TMTC1: variants seen among roughly 807,000 people sequenced by gnomAD.
The protein encoded by TMTC1 is transmembrane O-mannosyltransferase targeting cadherins 1, also known as protein O-mannosyl-transferase TMTC1.
A neutral mutation model predicts 104.8 loss-of-function variants in TMTC1; 73 were observed. The ratio of observed to expected loss-of-function variants is 0.70; its 90% CI spans 0.58 to 0.85. The LOEUF (loss-of-function observed/expected upper bound fraction) is 0.85, where lower values mean the gene tolerates loss of function less well. Ranked by LOEUF, TMTC1 falls within the 40% of genes least tolerant of loss-of-function variation. TMTC1 has a pLI of 0.00. For synonymous variants in TMTC1, 434 were observed against 428.7 expected, an observed-to-expected ratio of 1.01 and a Z score of -0.15; for missense variants, 1,035 against 1,096.1, an observed-to-expected ratio of 0.94 and a Z score of 0.79.
At position 29,645,628 on chromosome 12, in the gene TMTC1, C is replaced by T. The variant is rs559551101; in HGVS notation, c.939-12292G>A. 6.6e-5 allele frequency among the ~76,000 whole-genome samples: 10 copies of T among 152,260 alleles called. No individual in the cohort carries two copies. In the South Asian group the frequency reaches 1.5e-3, roughly 22 times the overall value. On this transcript the variant is annotated intron_variant, in intron 5 of 17. Transcript: ENST00000539277. The stretch of plus-strand genomic sequence containing the variant: ...AAATACAGTTTCTGCAAAATAAATA[C>T]TGGGTTCATTTTTTTGCCTAAGGTA...
chr12:29,541,656 C>CTTTTT lies in TMTC1; in HGVS notation c.1677-5344_1677-5340dup, dbSNP rs35079677. Among the ~76,000 whole-genome samples the CTTTTT allele has an allele frequency of 1.0e-4, 12 of 115,616 alleles. 1 individual carries two copies. Among genetic ancestry groups the CTTTTT allele is most frequent in the Admixed American group, 2.6e-4 (3 of 11,336 alleles). 75.8% of individuals were successfully genotyped at this position (115,616 alleles called of 152,430 possible). A position where few individuals can be genotyped will look rare whatever the true frequency, so the allele number is the denominator to read the frequency against. On this transcript the variant is annotated intron_variant, in intron 10 of 17. Coordinates refer to ENST00000539277, the MANE Select transcript of TMTC1 (RefSeq NM_001193451.2). ...ATACCACAATAGTTTTTCACTGTTG[C>CTTTTT]TTTTTTTTTTTTTTTTTTTTGAGAC...
chr12:29,708,627 C>T (rs890073115), intron 5 of TMTC1, among the ~76,000 whole-genome samples: 7 of 152,150 alleles, frequency 4.6e-5, no homozygotes, highest in Admixed American at 4.6e-4. Flanking sequence ...TTCAGGATAC[C>T]CAAAGTCAAC....
At chr12:29,601,202 C>A (rs1946556028) in intron 7 of TMTC1, among the ~76,000 whole-genome samples, 1 of 152,290 alleles carries the variant, frequency 6.6e-6, no homozygotes, top group South Asian at 2.1e-4. Context: ...CCGGAGCTGG[C>A]ATGATTCTGG....
rs1432538057 is a variant in TMTC1, at chr12:29,555,133, C to CAT, written c.1676+1723_1676+1724insAT. ...AGGGTTTAGGATTCAGTTCCAACAT[C>CAT]CTTTTTTTTTTTTTTTTTTTTTGAG... is the stretch of plus-strand genomic sequence containing the variant. On this transcript the variant is annotated intron_variant, in intron 10 of 17. Coordinates refer to ENST00000539277, the MANE Select transcript of TMTC1 (RefSeq NM_001193451.2). Among the ~76,000 whole-genome samples, 179 of 40,954 alleles carry CAT rather than the reference C, an allele frequency of 4.4e-3. 1 individual carries two copies. The highest frequency in any genetic ancestry group is 7.1e-3 in the Non-Finnish European group (152 of 21,344). 26.9% of individuals were successfully genotyped at this position (40,954 alleles called of 152,430 possible).
At chr12:29,543,473 C>T (rs78886105) in intron 10 of TMTC1, among the ~76,000 whole-genome samples, 7,940 of 152,176 alleles carry the variant, frequency 0.052, 703 homozygotes, top group African/African-American at 0.18. Context: ...ATGGATTTGG[C>T]GACCCTCTTG....
chr12:29,615,375 T>C (rs1165553207), intron 6 of TMTC1, among the ~76,000 whole-genome samples: 2 of 152,184 alleles, frequency 1.3e-5, no homozygotes, highest in African/African-American at 2.4e-5. Context: ...TCTCACTTTC[T>C]ACTTAGAGAA....
chr12:29,592,176 C>G (rs1231366484), intron 7 of TMTC1, among the ~76,000 whole-genome samples: 1 of 152,150 alleles, frequency 6.6e-6, no homozygotes, highest in African/African-American at 2.4e-5. Flanking sequence ...GGCAATCTTA[C>G]CATTACACTC....
intron 5 of TMTC1, among the ~76,000 whole-genome samples, chr12:29,714,309 G>A (rs1168237895): frequency 1.3e-5 from 2 of 152,172 alleles, no homozygotes; most frequent in African/African-American, 4.8e-5. Context: ...GTTCTTTGAC[G>A]TGCAGCAGAA....
rs757459307 is a variant in TMTC1 at position 29,572,173 on chromosome 12, G to T, written c.1464C>A (p.Asn488Lys). 1 of 1,614,042 alleles carries T rather than the reference G, an allele frequency of 6.2e-7. No homozygotes were observed. The highest frequency in any genetic ancestry group is 8.5e-7 in the Non-Finnish European group (1 of 1,179,888). The change falls in exon 9 of 18, where the codon AAC becomes AAA. Residue 488 changes from asparagine to lysine, a missense_variant. Transcript: ENST00000539277. The stretch of plus-strand genomic sequence containing the variant: ...CTTGGTCCTTCAGGAAATTGGCATA[G>T]TTGTAGTGAACCTTGGCATTGTGGG... ...TLPHNAKVHY[N>K]YANFLKDQGR...
At chr12:29,664,102 G>A (rs966249043) in intron 5 of TMTC1, among the ~76,000 whole-genome samples, 2 of 150,198 alleles carry the variant, frequency 1.3e-5, no homozygotes, top group Non-Finnish European at 3.0e-5. Context: ...AAGGAGAATG[G>A]CGTGAACCCG....
chr12:29,699,935 C>A (rs965094602), intron 5 of TMTC1, among the ~76,000 whole-genome samples: 1 of 152,102 alleles, frequency 6.6e-6, no homozygotes, highest in Non-Finnish European at 1.5e-5. Flanking sequence ...AGCCACCATG[C>A]CTTGCCATCA....
intron 11 of TMTC1, among the ~76,000 whole-genome samples, chr12:29,524,568 T>C (rs1944281634): frequency 6.6e-6 from 1 of 152,174 alleles, no homozygotes; most frequent in African/African-American, 2.4e-5. Context: ...TTGTAATCAT[T>C]ATCTCCTTTA....
chr12:29,633,466 A>C, intron 5 of TMTC1, 130 bp from the exon 6 acceptor site: 1 of 749,792 alleles, frequency 1.3e-6, no homozygotes, highest in Middle Eastern at 3.8e-4. Flanking sequence ...AAGACAAGGG[A>C]AGATGGAAAG....
At chr12:29,720,751 A>G (rs1180925408) in intron 5 of TMTC1, among the ~76,000 whole-genome samples, 1 of 152,158 alleles carries the variant, frequency 6.6e-6, no homozygotes, top group Non-Finnish European at 1.5e-5. Context: ...ATTAAAACAG[A>G]CAATGGCCAC....
At chr12:29,650,536 T>C (rs1939467552) in intron 5 of TMTC1, among the ~76,000 whole-genome samples, 1 of 152,178 alleles carries the variant, frequency 6.6e-6, no homozygotes, top group Non-Finnish European at 1.5e-5. Context: ...CCTCTCTCAG[T>C]GGCAAAGTCA....
chr12:29,709,557 A>T (rs1472827887), intron 5 of TMTC1, among the ~76,000 whole-genome samples: 1 of 152,136 alleles, frequency 6.6e-6, no homozygotes, highest in Non-Finnish European at 1.5e-5. Flanking sequence ...TCAGATAAAA[A>T]TTTTGAAAAA....
intron 4 of TMTC1, among the ~76,000 whole-genome samples, chr12:29,752,931 T>C (rs1290550784): frequency 6.6e-6 from 1 of 152,196 alleles, no homozygotes. Flanking sequence ...ATGTTGGAAA[T>C]TATATCCTGA....
At chr12:29,774,074 A>G (rs1257119105) in intron 1 of TMTC1, among the ~76,000 whole-genome samples, 1 of 152,122 alleles carries the variant, frequency 6.6e-6, no homozygotes, top group Admixed American at 6.6e-5. Context: ...GCATGCCAGC[A>G]TTCCTATCTC....
intron 9 of TMTC1, among the ~76,000 whole-genome samples, chr12:29,568,333 T>C (rs1945575007): frequency 6.6e-6 from 1 of 152,178 alleles, no homozygotes; most frequent in Non-Finnish European, 1.5e-5. Context: ...GTAAATGCTC[T>C]GAAAATGCTC....
Sources: gnomAD v4.1 joint callset for allele counts (sites outside exome capture counted in the v4.1 genomes callset) on GRCh38, gnomAD v4.1.1 for gene constraint, MANE v1.5 for transcripts, NCBI Gene and HGNC (gene_info 2026-07-23, HGNC 2026-07-21) for gene names.